The following CDH12 variants were observed in gnomAD, a reference collection of about 807,000 sequenced individuals.
CDH12 encodes cadherin-12.
In CDH12, 41 loss-of-function variants were observed where a neutral mutation model predicts 74.1. The observed-to-expected ratio is 0.55, with a 90% CI of 0.43 to 0.72. CDH12 has a LOEUF of 0.72. Ranked by LOEUF, CDH12 falls within the 30% of genes least tolerant of loss-of-function variation. The probability of loss-of-function intolerance (pLI) is 0.00; values close to 1 mark genes in which losing one functional copy is unlikely to be tolerated. For synonymous variants in CDH12, 399 were observed against 355.0 expected (o/e 1.12, Z -1.39); for missense variants, 945 against 977.2 (o/e 0.97, Z 0.44).
intron 4 of CDH12, among the ~76,000 whole-genome samples, chr5:22,158,645 T>C (rs1361734346): frequency 6.6e-6 from 1 of 152,152 alleles, no homozygotes; most frequent in South Asian, 2.1e-4. Flanking sequence ...CTATACTTGG[T>C]GGCTTGCTTC....
chr5:22,110,780 G>C (rs1004946727), intron 4 of CDH12, among the ~76,000 whole-genome samples: 3 of 152,074 alleles, frequency 2.0e-5, no homozygotes, highest in Non-Finnish European at 4.4e-5. Flanking sequence ...CAGATTTCAG[G>C]CTCCTCTATC....
chr5:22,814,804 T>C lies in CDH12; in HGVS notation c.-523+38254A>G, dbSNP rs191180296. Among the ~76,000 whole-genome samples, 143 of 152,278 alleles carry C rather than the reference T, an allele frequency of 9.4e-4. 1 individual carries two copies. Among genetic ancestry groups the C allele is most frequent in the African/African-American group, 3.4e-3 (141 of 41,548 alleles). Reference sequence around the variant, plus strand: ...ATTTGATAAGTCTAATTTTAAAACATACCATGTACAATGATTAATAGATCA... The same window carrying C: ...ATTTGATAAGTCTAATTTTAAAACACACCATGTACAATGATTAATAGATCA... On this transcript the variant is annotated intron_variant, in intron 1 of 14. Transcript: ENST00000382254.
At chr5:21,787,571 G>C (rs1208775300) in intron 10 of CDH12, among the ~76,000 whole-genome samples, 1 of 152,082 alleles carries the variant, frequency 6.6e-6, no homozygotes, top group East Asian at 1.9e-4. Flanking sequence ...TGCAATATTT[G>C]CTTTATCGTG....
intron 6 of CDH12, among the ~76,000 whole-genome samples, chr5:21,888,680 T>C (rs1579914385): frequency 6.6e-6 from 1 of 152,116 alleles, no homozygotes; most frequent in Non-Finnish European, 1.5e-5. Flanking sequence ...ATAATACTTT[T>C]AAAGTTTGTA....
At chr5:22,440,816 A>C (rs1191366382) in intron 2 of CDH12, among the ~76,000 whole-genome samples, 2 of 152,116 alleles carry the variant, frequency 1.3e-5, no homozygotes, top group Non-Finnish European at 2.9e-5. Context: ...TAATCTCCCC[A>C]CCTCAAGATC....
intron 1 of CDH12, among the ~76,000 whole-genome samples, chr5:22,759,055 T>C (rs1746073902): frequency 1.3e-5 from 2 of 152,084 alleles, no homozygotes; most frequent in Non-Finnish European, 1.5e-5. Context: ...TAAGATACCA[T>C]ATGAAAGGTG....
chr5:22,187,251 G>C lies in CDH12; in HGVS notation c.-187+25247C>G, dbSNP rs866948457. 1.5e-4 allele frequency among the ~76,000 whole-genome samples: 23 copies of C among 152,234 alleles called. No homozygotes were observed. In the Middle Eastern group the frequency reaches 0.02, roughly 135 times the overall value. ...TTGCTGGCAGGTGATGAAGCTGAGG[G>C]AAGACACTTATCATCTTAAATCCCA... On this transcript the variant is annotated intron_variant, in intron 4 of 14. Transcript: ENST00000382254.
At chr5:22,822,342 A>C (rs1009567989) in intron 1 of CDH12, among the ~76,000 whole-genome samples, 2 of 152,178 alleles carry the variant, frequency 1.3e-5, no homozygotes, top group African/African-American at 4.8e-5. Context: ...CATGTCTAAA[A>C]CACCAAAAGC....
intron 10 of CDH12, among the ~76,000 whole-genome samples, chr5:21,796,582 C>A (rs748940189): frequency 5.3e-5 from 8 of 151,940 alleles, no homozygotes; most frequent in Non-Finnish European, 1.0e-4. Context: ...AATAGATTTT[C>A]TTTACATCAT....
intron 4 of CDH12, among the ~76,000 whole-genome samples, chr5:22,195,729 T>G (rs1182651841): frequency 6.6e-6 from 1 of 152,166 alleles, no homozygotes; most frequent in Non-Finnish European, 1.5e-5. Flanking sequence ...CAAATTTATT[T>G]CTTATGGGGA....
At chr5:21,795,914 A>G (rs1579716709) in intron 10 of CDH12, among the ~76,000 whole-genome samples, 1 of 152,084 alleles carries the variant, frequency 6.6e-6, no homozygotes, top group Admixed American at 6.6e-5. Flanking sequence ...GATTACAGCA[A>G]TTTTTACAAA....
At chr5:22,594,994 A>T (rs960014555) in intron 1 of CDH12, among the ~76,000 whole-genome samples, 25 of 152,190 alleles carry the variant, frequency 1.6e-4, no homozygotes, top group Admixed American at 1.6e-3. Context: ...ACATTAAATA[A>T]TTATTTCCAC....
At chr5:21,880,562 C>CCTTCCTTCCCTTCCTT (rs1561268003) in intron 6 of CDH12, among the ~76,000 whole-genome samples, 2 of 51,730 alleles carry the variant, frequency 3.9e-5, no homozygotes, top group Non-Finnish European at 5.1e-5. Context: ...TTCCTTCCTT[C>CCTTCCTTCCCTTCCTT]CCTTCTTTCT....
chr5:22,016,251 G>T (rs1013491442), intron 5 of CDH12, among the ~76,000 whole-genome samples: 1 of 151,928 alleles, frequency 6.6e-6, no homozygotes, highest in South Asian at 2.1e-4. Flanking sequence ...TTAATTAATA[G>T]GATCATAAAA....
intron 1 of CDH12, among the ~76,000 whole-genome samples, chr5:22,832,327 A>G (rs530286962): frequency 6.6e-6 from 1 of 152,322 alleles, no homozygotes; most frequent in Non-Finnish European, 1.5e-5. Flanking sequence ...TTAAAACGTT[A>G]GCCAATATAT....
At chr5:22,657,985 G>A (rs1209599208) in intron 1 of CDH12, among the ~76,000 whole-genome samples, 1 of 152,150 alleles carries the variant, frequency 6.6e-6, no homozygotes, top group Non-Finnish European at 1.5e-5. Flanking sequence ...TGATGGCTAA[G>A]GAGTTAAACA....
intron 4 of CDH12, among the ~76,000 whole-genome samples, chr5:22,203,052 G>A (rs1751012968): frequency 6.6e-6 from 1 of 151,950 alleles, no homozygotes; most frequent in Admixed American, 6.5e-5. Flanking sequence ...TAATAATCAA[G>A]TTAGGGCAAT....
chr5:22,177,009 C>T (rs1468136110), intron 4 of CDH12, among the ~76,000 whole-genome samples: 2 of 152,108 alleles, frequency 1.3e-5, no homozygotes, highest in Non-Finnish European at 2.9e-5. Flanking sequence ...CTCATATCTG[C>T]TACCCTCCAA....
At chr5:22,811,980 G>C (rs1316457663) in intron 1 of CDH12, among the ~76,000 whole-genome samples, 1 of 152,090 alleles carries the variant, frequency 6.6e-6, no homozygotes, top group Non-Finnish European at 1.5e-5. Context: ...GAGAAAAGTG[G>C]ACACTGGCTC....
Sources: allele counts gnomAD v4.1 joint callset (sites outside exome capture counted in the v4.1 genomes callset), GRCh38; gene constraint gnomAD v4.1.1; transcripts MANE v1.5; gene names NCBI Gene and HGNC (gene_info 2026-07-23, HGNC 2026-07-21).